The following CDC42BPB variants were observed in gnomAD, a reference collection of about 807,000 sequenced individuals.
The protein encoded by CDC42BPB is serine/threonine-protein kinase MRCK beta.
A neutral mutation model predicts 214.9 loss-of-function variants in CDC42BPB; 37 were observed. The observed-to-expected ratio is 0.17, with a 90% CI of 0.13 to 0.23. The LOEUF is 0.23. Among genes scored for constraint, CDC42BPB ranks in the 10% least tolerant of loss-of-function variants. The pLI is 1.00. For missense variants in CDC42BPB, 1,694 were observed against 2,227.0 expected (o/e 0.76, Z 4.82); for synonymous variants, 931 against 884.0 (o/e 1.05, Z -0.94).
intron 6 of CDC42BPB, among the ~76,000 whole-genome samples, chr14:102,985,681 T>C (rs1202928102): frequency 1.3e-5 from 2 of 152,256 alleles, no homozygotes; most frequent in Non-Finnish European, 2.9e-5. Flanking sequence ...AATCCGCCAG[T>C]AGGCAAGAAA....
At position 102,975,690 on chromosome 14, in the gene CDC42BPB, T is replaced by C. The variant is rs1231370027; in HGVS notation, c.1501A>G (p.Ile501Val). The change falls in exon 11 of 37, where the codon ATA (isoleucine) becomes GTA (valine). Residue 501 changes from isoleucine (I) to valine (V), a missense_variant. Physicochemically the swap from Ile to Val is conservative, Grantham distance 29 (BLOSUM62 3). This residue lies in a region of CDC42BPB where 462 missense variants were observed against 513.5 expected (regional missense o/e 0.90). Transcript: ENST00000361246. Reference sequence around the variant, plus strand: ...CACACTTTTAAACACATACCTGCTATTTTATTCTTCAAGCGTTCGATTTCT... The same window carrying C: ...CACACTTTTAAACACATACCTGCTACTTTATTCTTCAAGCGTTCGATTTCT... ...NEEIERLKNK[I>V]ADSNRLERQL... 3.1e-6 allele frequency: 5 copies of C among 1,613,934 alleles called. No homozygotes were observed. In the African/African-American group the frequency reaches 5.3e-5, roughly 17 times the overall value.
intron 18 of CDC42BPB, among the ~76,000 whole-genome samples, chr14:102,965,306 G>A (rs572544620): frequency 4.0e-5 from 6 of 151,048 alleles, no homozygotes; most frequent in East Asian, 2.0e-4. Flanking sequence ...TATAGGGTTC[G>A]GTTATCTTTT....
chr14:102,967,198 CT>C, intron 16 of CDC42BPB, 28 bp from the exon 17 acceptor site: 1 of 1,596,984 alleles, frequency 6.3e-7, no homozygotes, highest in Non-Finnish European at 8.6e-7. Flanking sequence ...CACCACAGAA[CT>C]TGTTAATCGG....
intron 21 of CDC42BPB, among the ~76,000 whole-genome samples, chr14:102,958,369 C>T (rs1408171605): frequency 6.6e-6 from 1 of 152,086 alleles, no homozygotes; most frequent in Non-Finnish European, 1.5e-5. Flanking sequence ...TGTAGCAAAA[C>T]CCCAGGTGAG....
rs187249492 is a variant in CDC42BPB at position 103,041,170 on chromosome 14, C to T, written c.175+15829G>A. On this transcript the variant is annotated intron_variant, in intron 1 of 36. Transcript: ENST00000361246. The stretch of plus-strand genomic sequence containing the variant: ...TGACAAGGATTCTAAGACCATTCAA[C>T]GGGGGAAAGAATATAGTCTGTTCGA... 1.0e-3 allele frequency among the ~76,000 whole-genome samples: 155 copies of T among 152,206 alleles called. 1 individual carries two copies. The highest frequency in any genetic ancestry group is 6.1e-3 in the Admixed American group (94 of 15,288).
chr14:103,031,360 G>T (rs1252389236), intron 1 of CDC42BPB, among the ~76,000 whole-genome samples: 1 of 152,148 alleles, frequency 6.6e-6, no homozygotes, highest in African/African-American at 2.4e-5. Context: ...GATGCCTAGA[G>T]ATGAGACACT....
intron 19 of CDC42BPB, among the ~76,000 whole-genome samples, chr14:102,963,872 T>C (rs1595471777): frequency 6.6e-6 from 1 of 152,378 alleles, no homozygotes; most frequent in East Asian, 1.9e-4. Context: ...TTGGTAATTC[T>C]GTTAGAGACA....
rs201875902 is a variant in CDC42BPB, at chr14:102,974,104, C to A, written c.1553G>T (p.Arg518Leu). 2.5e-6 allele frequency: 4 copies of A among 1,613,802 alleles called. No individual in the cohort carries two copies. Among genetic ancestry groups the A allele is most frequent in the Non-Finnish European group, 3.4e-6 (4 of 1,179,934 alleles). The change falls in exon 12 of 37, where the codon CGC becomes CTC. Residue 518 changes from arginine to leucine, a missense_variant. Around this residue, in one of 7 missense-constraint regions of CDC42BPB, gnomAD observed 462 missense variants for 513.5 expected, o/e 0.90. Coordinates refer to ENST00000361246, the MANE Select transcript of CDC42BPB (RefSeq NM_006035.4). ...ERQLEDTVAL[R>L]QEREDSTQRL... ...CTGCGTGGAGTCCTCACGCTCTTGG[C>A]GAAGCGCCACTGTGTCCTCAAGCTG...
intron 5 of CDC42BPB, among the ~76,000 whole-genome samples, chr14:102,991,964 A>C (rs1291371750): frequency 6.6e-6 from 1 of 152,250 alleles, no homozygotes; most frequent in African/African-American, 2.4e-5. Context: ...AATGTAAATT[A>C]CATAAAATGA....
chr14:103,001,017 C>A lies in CDC42BPB; in HGVS notation c.448-1304G>T, dbSNP rs753980791. Among the ~76,000 whole-genome samples the A allele has an allele frequency of 2.0e-5, 3 of 152,190 alleles. No individual in the cohort carries two copies. The highest frequency in any genetic ancestry group is 2.9e-5 in the Non-Finnish European group (2 of 68,026). ...GGGCTTGTCTGAGGAAGGGAGCGGC[C>A]CAGCTAATCAGAGGAAACGACAGAA... On this transcript the variant is annotated intron_variant, in intron 4 of 36. Transcript: ENST00000361246. This position sits in a 1 kb window ranked among gnomAD's most constrained non-coding sequence, Gnocchi z 5.8.
Position 103,057,152 on chromosome 14 carries a change from T to G in CDC42BPB, c.22A>C (p.Lys8Gln). The change falls in exon 1 of 37, where the codon AAG becomes CAG. Residue 8 changes from lysine (K) to glutamine (Q), a missense_variant. By Grantham distance (53) the Lys-to-Gln change is moderately conservative. This residue lies in a region of CDC42BPB where 83 missense variants were observed against 79.9 expected (regional missense o/e 1.04). Coordinates refer to ENST00000361246, the MANE Select transcript of CDC42BPB (RefSeq NM_006035.4). MSAKVRL[K>Q]KLEQLLLDGP... ...TCCAGGAGCAGCTGCTCCAGCTTCT[T>G]GAGCCGCACCTTGGCCGACATGGTG... 6.7e-7 allele frequency: 1 copy of G among 1,487,458 alleles called. No homozygotes were observed. Among genetic ancestry groups the G allele is most frequent in the Non-Finnish European group, 8.9e-7 (1 of 1,123,568 alleles). The allele number at this position is 1,487,458 out of a possible 1,614,324, so 92.1% of individuals were successfully genotyped here. A position where few individuals can be genotyped will look rare whatever the true frequency, so the allele number is the denominator to read the frequency against.
In CDC42BPB at chr14:102,950,511, C is replaced by T. The variant is rs1436029590; in HGVS notation, c.3264G>A (p.Val1088=). 1.2e-6 allele frequency: 2 copies of T among 1,613,328 alleles called. No individual in the cohort carries two copies. Among genetic ancestry groups the T allele is most frequent in the South Asian group, 2.2e-5 (2 of 91,072 alleles). The change falls in exon 25 of 37, where the codon GTG becomes GTA. Residue 1088 remains valine (V), a synonymous_variant. Transcript: ENST00000361246. The stretch of plus-strand genomic sequence containing the variant: ...CTGTTCCGATGCCTCGCTGCACGTC[C>T]ACGCCCAGAGGCCTCTTGGACTGCT... ...PPEQSKRPLG[V]DVQRGIGTAY... is the part of the protein sequence containing the mutation.
chr14:103,018,270 G>T lies in CDC42BPB; in HGVS notation c.176-6082C>A, dbSNP rs570275871. Reference sequence around the variant, plus strand: ...AGCTGTCCGTGGCCTGGGGGTTGGGGATCCCTGTGGTAAAGTATTCAATGG... The same window carrying T: ...AGCTGTCCGTGGCCTGGGGGTTGGGTATCCCTGTGGTAAAGTATTCAATGG... On this transcript the variant is annotated intron_variant, in intron 1 of 36. Transcript: ENST00000361246. Among the ~76,000 whole-genome samples the T allele has an allele frequency of 2.0e-5, 3 of 152,312 alleles. No individual in the cohort carries two copies. In the East Asian group the frequency reaches 5.8e-4, roughly 29 times the overall value.
At chr14:103,019,520 G>T (rs982076182) in intron 1 of CDC42BPB, among the ~76,000 whole-genome samples, 3 of 152,134 alleles carry the variant, frequency 2.0e-5, no homozygotes, top group African/African-American at 7.2e-5. Context: ...TGCTCCCCTG[G>T]ACCTGCCACG....
intron 9 of CDC42BPB, among the ~76,000 whole-genome samples, chr14:102,976,532 C>T (rs1893753729): frequency 6.6e-6 from 1 of 152,252 alleles, no homozygotes; most frequent in Non-Finnish European, 1.5e-5. Flanking sequence ...AAGCCCCTTA[C>T]CAAGGACCAG....
rs34349204 is a variant in CDC42BPB, at chr14:102,946,314, C to T, written c.3748+154G>A. Among the ~76,000 whole-genome samples the T allele has an allele frequency of 4.0e-3, 223 of 56,300 alleles. 3 individuals carry two copies. Among genetic ancestry groups the T allele is most frequent in the African/African-American group, 0.031 (199 of 6,466 alleles). The allele number at this position is 56,300 out of a possible 152,430, so 36.9% of individuals were successfully genotyped here. The stretch of plus-strand genomic sequence containing the variant: ...CTGGGATTACAGGCGTGAGCCACCG[C>T]ACCCGGCCTCGTCTGCTTCTTAACA... On this transcript the variant is annotated intron_variant, in intron 28 of 36. Transcript: ENST00000361246.
At chr14:103,053,563 C>G (rs944998557) in intron 1 of CDC42BPB, among the ~76,000 whole-genome samples, 1 of 151,504 alleles carries the variant, frequency 6.6e-6, no homozygotes, top group African/African-American at 2.4e-5. Context: ...AGATCGAGAC[C>G]ATCCTGGCTA....
At chr14:103,024,382 GTACAGTGATTAAACGGTATC>G (rs1027146532) in intron 1 of CDC42BPB, among the ~76,000 whole-genome samples, 8 of 152,298 alleles carry the variant, frequency 5.3e-5, no homozygotes, top group African/African-American at 1.7e-4. Context: ...TCATAACAAA[GTACAGTGATTAAACGGTATC>G]TACAGTGATT....
chr14:103,036,876 G>T (rs1887693720), intron 1 of CDC42BPB, among the ~76,000 whole-genome samples: 1 of 152,152 alleles, frequency 6.6e-6, no homozygotes, highest in African/African-American at 2.4e-5. Flanking sequence ...CAGTACAGTG[G>T]CACAATCATG....
Sources: gnomAD v4.1 joint callset for allele counts (sites outside exome capture counted in the v4.1 genomes callset) on GRCh38, gnomAD v4.1.1 for gene constraint, gnomAD v4.1.1 regional missense constraint, Gnocchi (gnomAD v3.1) non-coding constraint, MANE v1.5 for transcripts, NCBI Gene and HGNC (gene_info 2026-07-23, HGNC 2026-07-21) for gene names.